Variants in DAO observed in about 807,000 individuals in gnomAD.
DAO encodes D-amino-acid oxidase.
In DAO, 51 loss-of-function variants were observed where a neutral mutation model predicts 50.1. That is an observed-to-expected ratio of 1.02 (90% CI 0.81 to 1.29). The LOEUF (loss-of-function observed/expected upper bound fraction) is 1.29, where lower values mean the gene tolerates loss of function less well. DAO is among the 50% of genes most tolerant of loss of function. The probability of loss-of-function intolerance (pLI) is 0.00; values close to 1 mark genes in which losing one functional copy is unlikely to be tolerated. For synonymous variants in DAO, 160 were observed against 166.2 expected, an observed-to-expected ratio of 0.96 and a Z score of 0.29; for missense variants, 436 against 439.4, an observed-to-expected ratio of 0.99 and a Z score of 0.07.
chr12:108,882,992 G>A (rs1021918104), intron 1 of DAO, among the ~76,000 whole-genome samples: 4 of 152,064 alleles, frequency 2.6e-5, no homozygotes, highest in Admixed American at 6.6e-5. Context: ...CAGCCTGGGT[G>A]ACAGAGTGAG....
chr12:108,888,451 T>C (rs2039457443), intron 3 of DAO, among the ~76,000 whole-genome samples: 1 of 152,062 alleles, frequency 6.6e-6, no homozygotes, highest in South Asian at 2.1e-4. Flanking sequence ...TTCTCCTGTC[T>C]CAGCCTCCTG....
chr12:108,899,288 T>G (rs2137369653), intron 9 of DAO, 89 bp from the exon 10 acceptor site: 93 of 833,320 alleles, frequency 1.1e-4, no homozygotes, highest in Non-Finnish European at 1.6e-4. Context: ...GTGGTGGTGA[T>G]GAGATTCTAA....
At chr12:108,899,186 G>T (rs1157099881) in intron 9 of DAO, among the ~76,000 whole-genome samples, 191 bp from the exon 10 acceptor site, 2 of 152,136 alleles carry the variant, frequency 1.3e-5, no homozygotes, top group Non-Finnish European at 2.9e-5. Context: ...TGGTGGAAAG[G>T]TGGAAGCAGT....
Position 108,900,411 on chromosome 12 carries a change from ACAACTATGGC to A in DAO, c.923_932del (p.Asn308MetfsTer57). ...CTCTCTTGCCTCTCCTAGGTCATCC[ACAACTATGGC>A]CATGGAGGCTACGGGCTCACCATCC... On this transcript the variant is annotated frameshift_variant, in exon 11 of 11. Transcript: ENST00000228476. LOFTEE classifies it high-confidence loss of function. 9 of 1,614,008 alleles carry A rather than the reference ACAACTATGGC, an allele frequency of 5.6e-6. No homozygotes were observed. The highest frequency in any genetic ancestry group is 7.6e-6 in the Non-Finnish European group (9 of 1,179,942).
intron 1 of DAO, chr12:108,883,689 G>T: frequency 2.2e-6 from 1 of 455,734 alleles, no homozygotes; most frequent in South Asian, 1.5e-5. Flanking sequence ...GAAGAGAGAA[G>T]ACCAAGGGTC....
chr12:108,897,280 G>A (rs140084770), intron 8 of DAO, among the ~76,000 whole-genome samples, 192 bp downstream of exon 8: 5 of 152,148 alleles, frequency 3.3e-5, no homozygotes, highest in African/African-American at 1.2e-4. Context: ...GTAATGGTGC[G>A]ATCTTGGCTC....
intron 6 of DAO, among the ~76,000 whole-genome samples, chr12:108,893,637 A>C (rs1338031279): frequency 1.3e-5 from 2 of 152,116 alleles, no homozygotes; most frequent in Non-Finnish European, 2.9e-5. Context: ...GGTCGACCCA[A>C]TGCAGTCCTC....
At chr12:108,895,360 T>C (rs1353210493) in intron 7 of DAO, among the ~76,000 whole-genome samples, 1 of 146,550 alleles carries the variant, frequency 6.8e-6, no homozygotes, top group Non-Finnish European at 1.5e-5. Context: ...TGCATGTGTG[T>C]GAGGGTGTGT....
At chr12:108,881,162 T>TCTCACACACACACACACACACA (rs1555244702) in intron 1 of DAO, among the ~76,000 whole-genome samples, 3 of 139,230 alleles carry the variant, frequency 2.2e-5, no homozygotes, top group African/African-American at 8.3e-5. Flanking sequence ...GACATTCTAA[T>TCTCACACACACACACACACACA]CACACACACA....
chr12:108,891,985 C>T (rs191476038), intron 5 of DAO, among the ~76,000 whole-genome samples: 27 of 152,022 alleles, frequency 1.8e-4, no homozygotes, highest in African/African-American at 5.6e-4. Context: ...GCTATTTCTC[C>T]TAACCTGGGG....
chr12:108,884,624 T>G (rs2039414198), intron 1 of DAO, among the ~76,000 whole-genome samples: 1 of 152,152 alleles, frequency 6.6e-6, no homozygotes, highest in Non-Finnish European at 1.5e-5. Context: ...GTGGCAGAGC[T>G]GAGTCCTGAA....
At chr12:108,895,959 C>T (rs927415284) in intron 7 of DAO, among the ~76,000 whole-genome samples, 2 of 151,730 alleles carry the variant, frequency 1.3e-5, no homozygotes, top group African/African-American at 2.4e-5. Context: ...CCAGGAAAAA[C>T]GCGAGTCACA....
chr12:108,890,188 T>G lies in DAO; in HGVS notation c.387-20T>G. ...CTGATTTTTACCTTTATTTCCACCT[T>G]TTGCTTACTGTGACTCTAGCTATGG... On this transcript the variant is annotated intron_variant, in intron 4 of 10. Coordinates refer to ENST00000228476, the MANE Select transcript of DAO (RefSeq NM_001917.5). 1.2e-6 allele frequency: 2 copies of G among 1,605,110 alleles called. No homozygotes were observed. The highest frequency in any genetic ancestry group is 1.7e-6 in the Non-Finnish European group (2 of 1,171,800).
chr12:108,895,462 T>G (rs1380775327), intron 7 of DAO, among the ~76,000 whole-genome samples: 1 of 143,056 alleles, frequency 7.0e-6, no homozygotes, highest in Non-Finnish European at 1.5e-5. Context: ...TGCACGTATG[T>G]GGGGGTGATT....
chr12:108,900,640 C>T lies in DAO; in HGVS notation c.*105C>T. 1 of 1,502,924 alleles carries T rather than the reference C, an allele frequency of 6.7e-7. No individual in the cohort carries two copies. Among genetic ancestry groups the T allele is most frequent in the South Asian group, 1.2e-5 (1 of 86,674 alleles). The allele number at this position is 1,502,924 out of a possible 1,614,324, so 93.1% of individuals were successfully genotyped here. A position where few individuals can be genotyped will look rare whatever the true frequency, so the allele number is the denominator to read the frequency against. Reference sequence around the variant, plus strand: ...CCATTGCTTCTCCCTCACTTCTTTCCTCAAAGAAGCATGAGGTGAGAGAAA... The same window carrying T: ...CCATTGCTTCTCCCTCACTTCTTTCTTCAAAGAAGCATGAGGTGAGAGAAA... On this transcript the variant is annotated 3_prime_UTR_variant, in exon 11 of 11. Coordinates refer to ENST00000228476, the MANE Select transcript of DAO (RefSeq NM_001917.5).
chr12:108,884,932 G>A, intron 1 of DAO, 66 bp from the exon 2 acceptor site: 1 of 1,471,290 alleles, frequency 6.8e-7, no homozygotes, highest in Non-Finnish European at 9.5e-7. Flanking sequence ...GTGGATGGTG[G>A]CAATGGCGCT....
chr12:108,884,881 TA>T (rs2039417912), intron 1 of DAO, 116 bp from the exon 2 acceptor site: 1 of 959,142 alleles, frequency 1.0e-6, no homozygotes, highest in Non-Finnish European at 1.7e-6. Flanking sequence ...AGGTCAAATA[TA>T]AAAAGGGCTT....
In DAO at chr12:108,900,451, G is replaced by C. The variant is rs2039610115; in HGVS notation, c.960G>C (p.Trp320Cys). Residue 320 changes from tryptophan to cysteine, a missense_variant, in exon 11 of 11, where the codon TGG becomes TGC. Coordinates refer to ENST00000228476, the MANE Select transcript of DAO (RefSeq NM_001917.5). Reference sequence around the variant, plus strand: ...GAGGCTACGGGCTCACCATCCACTGGGGATGTGCCCTGGAGGCAGCCAAGC... The same window carrying C: ...GAGGCTACGGGCTCACCATCCACTGCGGATGTGCCCTGGAGGCAGCCAAGC... ...GHGGYGLTIH[W>C]GCALEAAKLF... is the part of the protein sequence containing the mutation. The C allele has an allele frequency of 1.2e-6, 2 of 1,614,120 alleles. No homozygotes were observed. Among genetic ancestry groups the C allele is most frequent in the Non-Finnish European group, 1.7e-6 (2 of 1,179,994 alleles).
intron 7 of DAO, among the ~76,000 whole-genome samples, chr12:108,896,346 C>T (rs547808675): frequency 7.0e-6 from 1 of 142,758 alleles, no homozygotes; most frequent in Admixed American, 8.0e-5. Flanking sequence ...TCGCTTGAAC[C>T]CGGGAGGCAG....
Sources: allele counts gnomAD v4.1 joint callset (sites outside exome capture counted in the v4.1 genomes callset), GRCh38; gene constraint gnomAD v4.1.1; transcripts MANE v1.5; gene names NCBI Gene and HGNC (gene_info 2026-07-23, HGNC 2026-07-21).